SAMM50: variants seen among roughly 807,000 people sequenced by gnomAD.
The protein encoded by SAMM50 is SAMM50 sorting and assembly machinery component.
A neutral mutation model predicts 66.9 loss-of-function variants in SAMM50; 47 were observed. The ratio of observed to expected loss-of-function variants is 0.70; its 90% CI spans 0.56 to 0.90. The LOEUF (loss-of-function observed/expected upper bound fraction) is 0.90, where lower values mean the gene tolerates loss of function less well. Among genes scored for constraint, SAMM50 ranks in the 40% least tolerant of loss-of-function variants. The probability of loss-of-function intolerance (pLI) is 0.00; values close to 1 mark genes in which losing one functional copy is unlikely to be tolerated. For missense variants in SAMM50, 535 were observed against 595.3 expected, an observed-to-expected ratio of 0.90 and a Z score of 1.05; for synonymous variants, 191 against 214.1, an observed-to-expected ratio of 0.89 and a Z score of 0.94.
In SAMM50 at chr22:43,966,325, C is replaced by T. The variant is rs766411391; in HGVS notation, c.234+1772C>T. Among the ~76,000 whole-genome samples the T allele has an allele frequency of 2.3e-4, 35 of 151,396 alleles. 1 individual carries two copies. The highest frequency in any genetic ancestry group is 1.7e-3 in the South Asian group (8 of 4,784). On this transcript the variant is annotated intron_variant, in intron 3 of 14. Transcript: ENST00000350028. ...ACTCTGCAGTGTTCACTGATGCAGC[C>T]GTATTGCTCTGCAAAGAGATTGCAC...
intron 13 of SAMM50, 151 bp downstream of exon 13, chr22:43,989,408 C>T: frequency 1.3e-6 from 1 of 771,942 alleles, no homozygotes; most frequent in East Asian, 2.9e-5. Flanking sequence ...GCAATCTCGG[C>T]TCACTGCAAC....
intron 14 of SAMM50, among the ~76,000 whole-genome samples, chr22:43,994,230 CG>C (rs2050340775): frequency 6.6e-6 from 1 of 152,158 alleles, no homozygotes; most frequent in African/African-American, 2.4e-5. Flanking sequence ...GCGCTGTCGG[CG>C]GGCACCGGGC....
At chr22:43,991,242 C>CT (rs1746012537) in intron 14 of SAMM50, among the ~76,000 whole-genome samples, 1 of 149,386 alleles carries the variant, frequency 6.7e-6, no homozygotes, top group Admixed American at 6.7e-5. Flanking sequence ...TCCCAAAGTG[C>CT]TGGGATTATA....
chr22:43,971,392 G>A (rs62228008), intron 4 of SAMM50, among the ~76,000 whole-genome samples: 1 of 152,184 alleles, frequency 6.6e-6, no homozygotes, highest in Non-Finnish European at 1.5e-5. Context: ...GCACCCCAGG[G>A]CCATGGTGGG....
At chr22:43,974,520 T>G (rs2050221328) in intron 7 of SAMM50, 2 of 152,274 alleles carry the variant, frequency 1.3e-5, no homozygotes, top group Admixed American at 6.5e-5. Flanking sequence ...CCATGAGAAC[T>G]CAGAGCACAC....
Position 43,963,374 on chromosome 22 carries a change from A to G in SAMM50, c.110A>G (p.Gln37Arg). The change falls in exon 2 of 15, where the codon CAG (glutamine) becomes CGG (arginine). Residue 37 changes from glutamine to arginine, a missense_variant. Gln to Arg is a conservative substitution (Grantham distance 43, BLOSUM62 1). Coordinates refer to ENST00000350028, the MANE Select transcript of SAMM50 (RefSeq NM_015380.5). ...EFVEVEPEAK[Q>R]EILENKDVVV... The stretch of plus-strand genomic sequence containing the variant: ...GTTGAAGTTGAGCCTGAAGCTAAAC[A>G]GGAAATTCTTGAAAACAAAGATGTG... 1 of 1,610,744 alleles carries G rather than the reference A, an allele frequency of 6.2e-7. No individual in the cohort carries two copies. The highest frequency in any genetic ancestry group is 8.5e-7 in the Non-Finnish European group (1 of 1,178,502).
At chr22:43,958,361 A>C (rs1434882928) in intron 1 of SAMM50, among the ~76,000 whole-genome samples, 1 of 152,168 alleles carries the variant, frequency 6.6e-6, no homozygotes, top group Non-Finnish European at 1.5e-5. Context: ...GGCATCTTGA[A>C]CAAAGTAATC....
intron 4 of SAMM50, among the ~76,000 whole-genome samples, chr22:43,969,716 T>C (rs1328817854): frequency 6.6e-6 from 1 of 152,186 alleles, no homozygotes; most frequent in Admixed American, 6.5e-5. Flanking sequence ...TGAAGAATGT[T>C]CTGGGGACAG....
intron 10 of SAMM50, 103 bp from the exon 11 acceptor site, chr22:43,981,288 T>C: frequency 1.1e-6 from 1 of 902,328 alleles, no homozygotes; most frequent in African/African-American, 1.6e-5. Context: ...CGCGGAGCTC[T>C]GCACGCCACG....
At chr22:43,964,347 T>C (rs2050162217) in intron 2 of SAMM50, 105 bp from the exon 3 acceptor site, 1 of 617,834 alleles carries the variant, frequency 1.6e-6, no homozygotes, top group Admixed American at 2.7e-5. Flanking sequence ...TTATTAAACT[T>C]GAAGAAAACC....
intron 3 of SAMM50, among the ~76,000 whole-genome samples, chr22:43,964,791 T>C (rs1261340207): frequency 6.6e-6 from 1 of 152,142 alleles, no homozygotes; most frequent in African/African-American, 2.4e-5. Context: ...GAGAAAGAAG[T>C]GTCTGTCCTC....
chr22:43,972,131 TA>T, intron 4 of SAMM50, 104 bp from the exon 5 acceptor site: 1 of 611,224 alleles, frequency 1.6e-6, no homozygotes, highest in Non-Finnish European at 2.8e-6. Context: ...AAGGAGATTG[TA>T]AAATAGAATG....
chr22:43,982,540 C>T (rs2050269917), intron 11 of SAMM50, among the ~76,000 whole-genome samples: 1 of 152,198 alleles, frequency 6.6e-6, no homozygotes, highest in South Asian at 2.1e-4. Context: ...ACCCCAGAGC[C>T]TGGGATGCAG....
At position 43,972,979 on chromosome 22, in the gene SAMM50, C is replaced by T. The variant is rs771203161; in HGVS notation, c.538C>T (p.Arg180Trp). ...GTATGGCCTGTCCTTCTTCAAACCACGGCCCGGAAACTTCGAAAGAAAGTA... is the reference window on the plus strand; with the variant it reads ...GTATGGCCTGTCCTTCTTCAAACCATGGCCCGGAAACTTCGAAAGAAAGTA... ...TSYGLSFFKP[R>W]PGNFERNFSV... The change falls in exon 6 of 15, where the codon CGG becomes TGG. Residue 180 changes from arginine (R) to tryptophan (W), a missense_variant. Transcript: ENST00000350028. The T allele has an allele frequency of 1.1e-4, 180 of 1,592,688 alleles. No homozygotes were observed. Among genetic ancestry groups the T allele is most frequent in the South Asian group, 1.8e-4 (15 of 85,660 alleles).
Position 43,987,135 on chromosome 22 carries a change from G to A in SAMM50, c.1076-1976G>A, listed in dbSNP as rs1036530999. The A allele has an allele frequency of 5.9e-5, 9 of 152,100 alleles. 1 individual carries two copies. The highest frequency in any genetic ancestry group is 4.1e-4 in the South Asian group (2 of 4,834). The allele number at this position is 152,100 out of a possible 1,614,324, so 9.4% of individuals were successfully genotyped here. ...GGTGTTCCACTCACCACCTCCGTGC[G>A]GTTGGCCAGACTCTGTGGGCAAGAA... is the stretch of plus-strand genomic sequence containing the variant. On this transcript the variant is annotated intron_variant, in intron 12 of 14. Coordinates refer to ENST00000350028, the MANE Select transcript of SAMM50 (RefSeq NM_015380.5).
At chr22:43,959,085 C>G (rs2050135344) in intron 1 of SAMM50, among the ~76,000 whole-genome samples, 1 of 138,760 alleles carries the variant, frequency 7.2e-6, no homozygotes, top group South Asian at 2.2e-4. Context: ...GTGGCGTGAT[C>G]TTGGCTCACT....
At position 43,983,971 on chromosome 22, in the gene SAMM50, G is replaced by T; in HGVS notation, c.1046G>T (p.Ser349Ile). The T allele has an allele frequency of 6.2e-7, 1 of 1,611,712 alleles. No individual in the cohort carries two copies. Among genetic ancestry groups the T allele is most frequent in the South Asian group, 1.1e-5 (1 of 90,378 alleles). ...LGGPTSIRGF[S>I]MHSIGPQSEG... ...GGACCCACAAGCATCCGCGGATTCA[G>T]CATGCACAGCATCGGGCCACAGAGC... Residue 349 changes from serine (S) to isoleucine (I), a missense_variant, in exon 12 of 15, where the codon AGC (serine) becomes ATC (isoleucine). Coordinates refer to ENST00000350028, the MANE Select transcript of SAMM50 (RefSeq NM_015380.5). The surrounding 1 kb of genome is among the most constrained non-coding windows in gnomAD (Gnocchi z 4.2).
In SAMM50 at chr22:43,976,856, A is replaced by G. The variant is rs1180821959; in HGVS notation, c.849+35A>G. ...TTTCACCTGTGACCCCTGCAGGGTG[A>G]GGGGAGCCAAACTTTGGACAGTAGA... is the stretch of plus-strand genomic sequence containing the variant. On this transcript the variant is annotated intron_variant, in intron 9 of 14. Transcript: ENST00000350028. 6.6e-6 allele frequency: 8 copies of G among 1,203,966 alleles called. No individual in the cohort carries two copies. In the East Asian group the frequency reaches 1.7e-4, roughly 26 times the overall value. 74.6% of individuals were successfully genotyped at this position (1,203,966 alleles called of 1,614,324 possible). A position where few individuals can be genotyped will look rare whatever the true frequency, so the allele number is the denominator to read the frequency against.
intron 4 of SAMM50, 35 bp from the exon 5 acceptor site, chr22:43,972,201 C>A: frequency 2.2e-6 from 3 of 1,343,018 alleles, no homozygotes; most frequent in Non-Finnish European, 3.1e-6. Context: ...AAATAACATC[C>A]TGGCTGTCTT....
Sources: gnomAD v4.1 joint callset for allele counts (sites outside exome capture counted in the v4.1 genomes callset) on GRCh38, gnomAD v4.1.1 for gene constraint, Gnocchi (gnomAD v3.1) non-coding constraint, MANE v1.5 for transcripts, NCBI Gene and HGNC (gene_info 2026-07-23, HGNC 2026-07-21) for gene names.